ZNF407: variants seen among roughly 807,000 people sequenced by gnomAD.
ZNF407 encodes the protein zinc finger protein 407.
Under a neutral mutation model 131.2 loss-of-function variants are expected in ZNF407, and 17 were observed. The ratio of observed to expected loss-of-function variants is 0.13; its 90% CI spans 0.09 to 0.19. The LOEUF is 0.19. ZNF407 is among the 10% of genes least tolerant of loss of function. ZNF407 has a pLI of 1.00. For missense variants in ZNF407, 2,681 were observed against 2,830.6 expected, an observed-to-expected ratio of 0.95 and a Z score of 1.20; for synonymous variants, 1,156 against 1,062.0, an observed-to-expected ratio of 1.09 and a Z score of -1.72.
Position 75,055,087 on chromosome 18 carries a change from C to T in ZNF407, c.5429-8063C>T, listed in dbSNP as rs114552073. On this transcript the variant is annotated intron_variant, in intron 8 of 8. Transcript: ENST00000299687. ...GGAAATGTGTGCAGAGTGAGAGACG[C>T]ACCCTATGTTGATACTGCATGGGTT... Among the ~76,000 whole-genome samples the T allele has an allele frequency of 3.7e-3, 568 of 152,336 alleles. 4 individuals carry two copies. Among genetic ancestry groups the T allele is most frequent in the Middle Eastern group, 0.014 (4 of 294 alleles).
chr18:74,923,731 A>C (rs369223999), intron 8 of ZNF407, among the ~76,000 whole-genome samples: 1 of 152,208 alleles, frequency 6.6e-6, no homozygotes, highest in Non-Finnish European at 1.5e-5. Context: ...ACAGACATAC[A>C]CATAATTATG....
At chr18:74,716,825 A>G (rs1223788558) in intron 3 of ZNF407, among the ~76,000 whole-genome samples, 1 of 152,190 alleles carries the variant, frequency 6.6e-6, no homozygotes, top group Non-Finnish European at 1.5e-5. Context: ...AATTTCAAGT[A>G]TGTTGAAATA....
chr18:74,617,029 T>G (rs1356877832), intron 1 of ZNF407, among the ~76,000 whole-genome samples: 4 of 128,450 alleles, frequency 3.1e-5, no homozygotes, highest in Non-Finnish European at 3.2e-5. Context: ...CACATATCCA[T>G]ATCCACACAG....
At chr18:74,662,915 A>G (rs959751806) in intron 3 of ZNF407, among the ~76,000 whole-genome samples, 2 of 152,222 alleles carry the variant, frequency 1.3e-5, no homozygotes, top group African/African-American at 4.8e-5. Context: ...ATGTGTTGTC[A>G]TGTGTGAGTA....
At chr18:74,883,070 A>C (rs1402592220) in intron 6 of ZNF407, among the ~76,000 whole-genome samples, 1 of 152,192 alleles carries the variant, frequency 6.6e-6, no homozygotes, top group Admixed American at 6.5e-5. Context: ...GGAAGCCTGC[A>C]CTGAGCTGGC....
chr18:74,701,135 T>G (rs1168745544), intron 3 of ZNF407, among the ~76,000 whole-genome samples: 1 of 152,128 alleles, frequency 6.6e-6, no homozygotes, highest in Non-Finnish European at 1.5e-5. Flanking sequence ...TGGGTTCTGG[T>G]GAAGGCTCGC....
intron 3 of ZNF407, among the ~76,000 whole-genome samples, chr18:74,766,009 C>CTG (rs58103313): frequency 6.2e-4 from 92 of 148,194 alleles, no homozygotes; most frequent in African/African-American, 2.0e-3. Flanking sequence ...GCATATTACT[C>CTG]TGTGTGTGTG....
At chr18:74,686,662 T>C (rs1330527355) in intron 3 of ZNF407, among the ~76,000 whole-genome samples, 1 of 152,246 alleles carries the variant, frequency 6.6e-6, no homozygotes, top group African/African-American at 2.4e-5. Flanking sequence ...CACAAGATGG[T>C]GTCAACCTTT....
intron 8 of ZNF407, among the ~76,000 whole-genome samples, chr18:75,037,729 T>A (rs1973325954): frequency 6.6e-6 from 1 of 152,168 alleles, no homozygotes; most frequent in African/African-American, 2.4e-5. Context: ...CACTGAGCAT[T>A]TGCCATGAAA....
intron 8 of ZNF407, among the ~76,000 whole-genome samples, chr18:75,001,359 T>C (rs2122159630): frequency 6.6e-6 from 1 of 152,350 alleles, no homozygotes; most frequent in Non-Finnish European, 1.5e-5. Flanking sequence ...AGGTTTTATT[T>C]TGAGCCAGAA....
chr18:74,609,540 A>C (rs8088127), intron 1 of ZNF407, among the ~76,000 whole-genome samples: 10,485 of 152,284 alleles, frequency 0.069, 409 homozygotes, highest in African/African-American at 0.11. Flanking sequence ...ACTTGTTTAG[A>C]GCACTTACCA....
At chr18:74,771,903 A>G (rs1194824902) in intron 3 of ZNF407, among the ~76,000 whole-genome samples, 1 of 152,186 alleles carries the variant, frequency 6.6e-6, no homozygotes, top group African/African-American at 2.4e-5. Flanking sequence ...TAGATTTGTC[A>G]TTCATTAGCT....
At chr18:74,984,863 C>G (rs1010988913) in intron 8 of ZNF407, among the ~76,000 whole-genome samples, 2 of 152,190 alleles carry the variant, frequency 1.3e-5, no homozygotes, top group African/African-American at 4.8e-5. Flanking sequence ...CTAGTCCACT[C>G]AGGATCATTG....
intron 4 of ZNF407, among the ~76,000 whole-genome samples, chr18:74,842,592 C>G (rs113815134): frequency 0.043 from 2,883 of 66,822 alleles, 52 homozygotes; most frequent in Middle Eastern, 0.062. Context: ...GGAAGTTTTT[C>G]CCTAGTGATG....
At chr18:74,935,034 T>C (rs1448348757) in intron 8 of ZNF407, among the ~76,000 whole-genome samples, 1 of 152,212 alleles carries the variant, frequency 6.6e-6, no homozygotes, top group African/African-American at 2.4e-5. Flanking sequence ...ACATTTTATA[T>C]TAACATATGT....
intron 4 of ZNF407, among the ~76,000 whole-genome samples, chr18:74,842,384 T>C (rs1970646023): frequency 6.6e-6 from 1 of 152,230 alleles, no homozygotes; most frequent in Non-Finnish European, 1.5e-5. Context: ...ATAATTTGCT[T>C]ATATAAAACA....
intron 8 of ZNF407, among the ~76,000 whole-genome samples, chr18:74,997,161 A>T (rs543679395): frequency 4.6e-5 from 7 of 152,232 alleles, no homozygotes; most frequent in Non-Finnish European, 1.0e-4. Flanking sequence ...AGCTTTATGA[A>T]ACAGAGAATG....
chr18:75,063,979 T>C lies in ZNF407; in HGVS notation c.6258T>C (p.Phe2086=). ...FKKMVQGVLQ[F]AVCDTAAAGQ... is the part of the protein sequence containing the mutation. ...AGATGGTCCAGGGCGTCCTCCAGTT[T>C]GCTGTGTGTGACACGGCCGCGGCCG... The change falls in exon 9 of 9, where the codon TTT becomes TTC. Residue 2086 remains phenylalanine (F), a synonymous_variant. Coordinates refer to ENST00000299687, the MANE Select transcript of ZNF407 (RefSeq NM_017757.3). The surrounding 1 kb of genome is among the most constrained non-coding windows in gnomAD (Gnocchi z 6.6). 1 of 1,613,358 alleles carries C rather than the reference T, an allele frequency of 6.2e-7. No homozygotes were observed. The highest frequency in any genetic ancestry group is 1.7e-4 in the Middle Eastern group (1 of 6,056).
chr18:75,056,349 A>G (rs1973561815), intron 8 of ZNF407, among the ~76,000 whole-genome samples: 1 of 152,260 alleles, frequency 6.6e-6, no homozygotes, highest in Admixed American at 6.5e-5. Context: ...ATGGAGAAAC[A>G]TGAGGTACTG....
Sources: allele counts gnomAD v4.1 joint callset (sites outside exome capture counted in the v4.1 genomes callset), GRCh38; gene constraint gnomAD v4.1.1; non-coding constraint Gnocchi (gnomAD v3.1); transcripts MANE v1.5; gene names NCBI Gene and HGNC (gene_info 2026-07-23, HGNC 2026-07-21).